Variants in EYS observed in about 807,000 individuals in gnomAD.
The protein encoded by EYS is EGF-like photoreceptor maintenance factor.
EYS carries 250 observed loss-of-function variants against 282.1 expected under a neutral mutation model. The observed-to-expected ratio is 0.89, with a 90% confidence interval of 0.80 to 0.98. The LOEUF is 0.98. Among genes scored for constraint, EYS ranks in the 50% least tolerant of loss-of-function variants. The pLI is 0.00. For missense variants in EYS, 4,016 were observed against 3,709.0 expected, an observed-to-expected ratio of 1.08 and a Z score of -2.15; for synonymous variants, 1,355 against 1,282.9, an observed-to-expected ratio of 1.06 and a Z score of -1.20.
chr6:65,618,001 T>C (rs1281397561), intron 2 of EYS, among the ~76,000 whole-genome samples: 3 of 152,040 alleles, frequency 2.0e-5, no homozygotes, highest in Admixed American at 6.6e-5. Flanking sequence ...TGAATAATGC[T>C]GCAATAAACA....
intron 2 of EYS, among the ~76,000 whole-genome samples, chr6:65,579,930 T>C (rs760836445): frequency 1.3e-5 from 2 of 152,140 alleles, no homozygotes; most frequent in African/African-American, 2.4e-5. Context: ...TAAATGTGAA[T>C]GTGAAATTTA....
At chr6:65,349,273 C>T (rs1196996150) in intron 9 of EYS, among the ~76,000 whole-genome samples, 1 of 151,458 alleles carries the variant, frequency 6.6e-6, no homozygotes, top group African/African-American at 2.4e-5. Context: ...TATGGCAGAG[C>T]TCATTCTATA....
chr6:65,007,047 G>A (rs189110347), intron 13 of EYS, among the ~76,000 whole-genome samples: 3 of 152,176 alleles, frequency 2.0e-5, no homozygotes, highest in Non-Finnish European at 2.9e-5. Flanking sequence ...GCAATGTTAG[G>A]CATGCTGGTA....
chr6:65,226,932 A>G (rs537880901), intron 12 of EYS, among the ~76,000 whole-genome samples: 4 of 152,282 alleles, frequency 2.6e-5, no homozygotes, highest in South Asian at 2.1e-4. Context: ...AATATTATTC[A>G]GTTATAAAAG....
At chr6:63,806,156 C>G (rs750203967) in intron 37 of EYS, 34 bp downstream of exon 37, 3 of 1,508,028 alleles carry the variant, frequency 2.0e-6, no homozygotes, top group Non-Finnish European at 2.7e-6. Context: ...CTTAAAGGAG[C>G]GAGGCAAGTC....
chr6:65,334,907 C>A, intron 11 of EYS, 73 bp downstream of exon 11: 1 of 1,390,788 alleles, frequency 7.2e-7, no homozygotes, highest in Non-Finnish European at 1.0e-6. Context: ...TACCATGAAA[C>A]AGTTCGATGA....
At chr6:64,071,569 CAAAG>C (rs1771580138) in intron 32 of EYS, among the ~76,000 whole-genome samples, 1 of 122,182 alleles carries the variant, frequency 8.2e-6, no homozygotes. Context: ...TATACTTTAA[CAAAG>C]AAAAATCAGC....
At chr6:64,389,749 G>A (rs1011489532) in intron 28 of EYS, among the ~76,000 whole-genome samples, 1 of 152,116 alleles carries the variant, frequency 6.6e-6, no homozygotes, top group Non-Finnish European at 1.5e-5. Context: ...CAAAATAATA[G>A]TACACATTCT....
At chr6:65,569,002 G>A (rs753172865) in intron 2 of EYS, among the ~76,000 whole-genome samples, 1 of 152,148 alleles carries the variant, frequency 6.6e-6, no homozygotes, top group Non-Finnish European at 1.5e-5. Flanking sequence ...TTAACTTTGA[G>A]ACAACGATGA....
chr6:64,689,677 C>G (rs1040892085), intron 22 of EYS, among the ~76,000 whole-genome samples: 1 of 152,018 alleles, frequency 6.6e-6, no homozygotes, highest in East Asian at 1.9e-4. Flanking sequence ...ATACTACACA[C>G]CTAGAACCAT....
At chr6:65,492,058 A>C (rs1427468987) in intron 4 of EYS, among the ~76,000 whole-genome samples, 1 of 152,202 alleles carries the variant, frequency 6.6e-6, no homozygotes, top group Non-Finnish European at 1.5e-5. Flanking sequence ...GTTTCTGTTT[A>C]AGCCATCCAG....
chr6:64,287,528 A>G (rs1320418234), intron 30 of EYS, among the ~76,000 whole-genome samples: 1 of 152,122 alleles, frequency 6.6e-6, no homozygotes, highest in Non-Finnish European at 1.5e-5. Flanking sequence ...ATATCTAGCA[A>G]GTGGCTATCT....
intron 5 of EYS, among the ~76,000 whole-genome samples, chr6:65,483,791 G>C (rs1765688974): frequency 1.3e-5 from 2 of 152,116 alleles, no homozygotes; most frequent in Non-Finnish European, 2.9e-5. Flanking sequence ...ACGTGGCTGG[G>C]GAAGCCTCAC....
intron 19 of EYS, among the ~76,000 whole-genome samples, chr6:64,871,932 C>T (rs375499715): frequency 2.1e-4 from 32 of 151,976 alleles, no homozygotes; most frequent in African/African-American, 4.3e-4. Context: ...CATTCATTTG[C>T]CAATGAAAAG....
chr6:64,533,407 T>C (rs1333333838), intron 26 of EYS, among the ~76,000 whole-genome samples: 2 of 152,052 alleles, frequency 1.3e-5, no homozygotes, highest in East Asian at 3.9e-4. Context: ...TCTATGTACA[T>C]TAAAATTAAA....
At chr6:63,975,266 G>A (rs1766778775) in intron 35 of EYS, among the ~76,000 whole-genome samples, 1 of 151,856 alleles carries the variant, frequency 6.6e-6, no homozygotes, top group African/African-American at 2.4e-5. Context: ...TGTGGAAAAG[G>A]TTTCCATGTC....
chr6:65,547,206 C>T (rs1400081842), intron 2 of EYS, among the ~76,000 whole-genome samples: 4 of 149,842 alleles, frequency 2.7e-5, no homozygotes, highest in Admixed American at 6.8e-5. Context: ...TTGAGCTCAT[C>T]TAGTATAGCC....
chr6:64,367,813 A>C (rs1172000576), intron 29 of EYS, among the ~76,000 whole-genome samples: 1 of 151,990 alleles, frequency 6.6e-6, no homozygotes, highest in Non-Finnish European at 1.5e-5. Context: ...CCATAGCATT[A>C]CTTCTTTAAG....
At chr6:64,234,556 T>C (rs1766524820) in intron 30 of EYS, among the ~76,000 whole-genome samples, 1 of 152,158 alleles carries the variant, frequency 6.6e-6, no homozygotes, top group Non-Finnish European at 1.5e-5. Flanking sequence ...CATTGAGATA[T>C]AATTTGCATA....
Sources: gnomAD v4.1 joint callset for allele counts (sites outside exome capture counted in the v4.1 genomes callset) on GRCh38, gnomAD v4.1.1 for gene constraint, MANE v1.5 for transcripts, NCBI Gene and HGNC (gene_info 2026-07-23, HGNC 2026-07-21) for gene names.